UTS2: variants seen among roughly 807,000 people sequenced by gnomAD.
The protein encoded by UTS2 is urotensin-2.
UTS2 carries 10 observed loss-of-function variants against 12.6 expected under a neutral mutation model. The observed-to-expected ratio is 0.80, with a 90% CI of 0.49 to 1.35. The LOEUF (loss-of-function observed/expected upper bound fraction) is 1.35. Ranked by LOEUF, UTS2 falls within the 40% of genes most tolerant of loss-of-function variation. UTS2 has a pLI of 0.00. For missense variants in UTS2, 142 were observed against 143.2 expected (o/e 0.99, Z 0.04); for synonymous variants, 52 against 50.0 (o/e 1.04, Z -0.17).
At chr1:7,906,224 TA>T in the UTS2 span, among the ~76,000 whole-genome samples, 1 of 152,018 alleles carries the variant, frequency 6.6e-6, no homozygotes, top group Non-Finnish European at 1.5e-5. Context: ...TAAATTATAC[TA>T]AATATTGAAA....
chr1:7,905,050 C>A, the UTS2 span, among the ~76,000 whole-genome samples: 1 of 151,978 alleles, frequency 6.6e-6, no homozygotes, highest in African/African-American at 2.4e-5. Flanking sequence ...CACCTGTCAC[C>A]TTGGCTAGGC....
intron 3 of UTS2, 43 bp from the exon 4 acceptor site, chr1:7,847,925 T>TAA: frequency 2.9e-6 from 4 of 1,369,492 alleles, no homozygotes; most frequent in Non-Finnish European, 4.1e-6. Flanking sequence ...AAAAAACAGA[T>TAA]AAGTTACCAA....
the UTS2 span, among the ~76,000 whole-genome samples, chr1:7,906,493 A>AAGAAAGAAAGAAAGAAAGAG: frequency 6.7e-6 from 1 of 149,906 alleles, no homozygotes; most frequent in Non-Finnish European, 1.5e-5. Flanking sequence ...GAAAGAAAGA[A>AAGAAAGAAAGAAAGAAAGAG]AGAAAGAAAG....
At chr1:7,876,078 G>A in the UTS2 span, among the ~76,000 whole-genome samples, 1 of 152,210 alleles carries the variant, frequency 6.6e-6, no homozygotes, top group Non-Finnish European at 1.5e-5. Context: ...ATAGCCATCA[G>A]TGCCCATGCA....
At chr1:7,902,097 G>A in the UTS2 span, among the ~76,000 whole-genome samples, 18,343 of 152,036 alleles carry the variant, frequency 0.12, 2,460 homozygotes, top group East Asian at 0.56. Context: ...GGGGCTCTGT[G>A]GCTCTGGGTA....
the UTS2 span, among the ~76,000 whole-genome samples, chr1:7,861,575 C>T: frequency 1.3e-4 from 20 of 152,320 alleles, no homozygotes; most frequent in East Asian, 2.1e-3. Flanking sequence ...GGGCTTGACC[C>T]GATTTGCCTT....
the UTS2 span, among the ~76,000 whole-genome samples, chr1:7,884,976 G>A: frequency 0.11 from 13,758 of 130,330 alleles, 1,013 homozygotes; most frequent in African/African-American, 0.23. Context: ...CATCATCCAC[G>A]CATTCATCCA....
chr1:7,872,118 G>A, the UTS2 span, among the ~76,000 whole-genome samples: 13 of 151,816 alleles, frequency 8.6e-5, no homozygotes, highest in Non-Finnish European at 1.6e-4. Context: ...TGGCTAACAT[G>A]GTGAAACCCC....
intron 2 of UTS2, among the ~76,000 whole-genome samples, chr1:7,850,544 G>T (rs1169620265): frequency 6.6e-6 from 1 of 151,474 alleles, no homozygotes. Flanking sequence ...CTGGAAACTG[G>T]AATAATTACC....
chr1:7,880,353 G>A, the UTS2 span, among the ~76,000 whole-genome samples: 16 of 132,490 alleles, frequency 1.2e-4, no homozygotes, highest in African/African-American at 2.8e-4. Context: ...CAAAAAAGCC[G>A]AAATGTGACT....
the UTS2 span, among the ~76,000 whole-genome samples, chr1:7,894,462 C>T: frequency 2.0e-5 from 3 of 152,114 alleles, no homozygotes; most frequent in Non-Finnish European, 4.4e-5. Flanking sequence ...GCATGAACCA[C>T]CGTGCCCGAC....
At chr1:7,868,587 C>T in the UTS2 span, among the ~76,000 whole-genome samples, 5 of 152,210 alleles carry the variant, frequency 3.3e-5, no homozygotes, top group South Asian at 4.1e-4. Context: ...TGTCTTCACC[C>T]GTGAGGGCCG....
the UTS2 span, among the ~76,000 whole-genome samples, chr1:7,862,991 TTGTA>T: frequency 1.6e-4 from 3 of 18,652 alleles, no homozygotes; most frequent in African/African-American, 5.8e-4. Context: ...TTGTGTTGTG[TTGTA>T]TTGTATTGTA....
chr1:7,899,396 G>T, the UTS2 span, among the ~76,000 whole-genome samples: 1 of 152,256 alleles, frequency 6.6e-6, no homozygotes, highest in Admixed American at 6.5e-5. Flanking sequence ...TTCTCATTAA[G>T]AATAATGTTT....
chr1:7,885,971 A>G, the UTS2 span, among the ~76,000 whole-genome samples: 1 of 149,650 alleles, frequency 6.7e-6, no homozygotes, highest in East Asian at 2.0e-4. Context: ...GTGGGGCCCC[A>G]GTTTCTTGCT....
chr1:7,869,545 T>C, the UTS2 span, among the ~76,000 whole-genome samples: 1 of 152,332 alleles, frequency 6.6e-6, no homozygotes, highest in South Asian at 2.1e-4. Context: ...GGGGACCTTG[T>C]GGGCAGCCAC....
chr1:7,860,499 TTC>T, the UTS2 span, among the ~76,000 whole-genome samples: 1 of 152,166 alleles, frequency 6.6e-6, no homozygotes, highest in Non-Finnish European at 1.5e-5. Context: ...CGTAAGGACT[TTC>T]TGTTTTAAAA....
the UTS2 span, among the ~76,000 whole-genome samples, chr1:7,870,621 C>T: frequency 1.3e-5 from 2 of 152,272 alleles, no homozygotes; most frequent in African/African-American, 2.4e-5. Flanking sequence ...CCACTGAAAC[C>T]GTAACTAAGC....
the UTS2 span, among the ~76,000 whole-genome samples, chr1:7,883,954 A>G: frequency 6.6e-6 from 1 of 152,140 alleles, no homozygotes; most frequent in Non-Finnish European, 1.5e-5. Context: ...AGCTGGGATT[A>G]CAGGCATGTG....
Sources: allele counts gnomAD v4.1 joint callset (sites outside exome capture counted in the v4.1 genomes callset), GRCh38; gene constraint gnomAD v4.1.1; transcripts MANE v1.5; gene names NCBI Gene and HGNC (gene_info 2026-07-23, HGNC 2026-07-21).